The following VEGFC variants were observed in gnomAD, a reference collection of about 807,000 sequenced individuals.
VEGFC encodes the protein vascular endothelial growth factor C.
In VEGFC, 12 loss-of-function variants were observed where a neutral mutation model predicts 46.1. That is an observed-to-expected ratio of 0.26 (90% confidence interval 0.17 to 0.42). The LOEUF (loss-of-function observed/expected upper bound fraction) is 0.42. Among genes scored for constraint, VEGFC ranks in the 10% least tolerant of loss-of-function variants. The probability of loss-of-function intolerance (pLI) is 1.00; values close to 1 mark genes in which losing one functional copy is unlikely to be tolerated. For synonymous variants in VEGFC, 232 were observed against 195.5 expected (o/e 1.19, Z -1.56); for missense variants, 488 against 529.4 (o/e 0.92, Z 0.77).
chr4:176,695,182 A>G (rs1408106007), intron 4 of VEGFC, among the ~76,000 whole-genome samples: 1 of 152,082 alleles, frequency 6.6e-6, no homozygotes, highest in Non-Finnish European at 1.5e-5. Flanking sequence ...AAATTAATGA[A>G]TCCAGGAGCT....
chr4:176,784,982 A>T (rs926907130), intron 1 of VEGFC, among the ~76,000 whole-genome samples: 1 of 152,080 alleles, frequency 6.6e-6, no homozygotes, highest in East Asian at 1.9e-4. Flanking sequence ...ACTGCACTGC[A>T]TCTCTAAACA....
At chr4:176,771,595 A>G (rs1342049095) in intron 1 of VEGFC, among the ~76,000 whole-genome samples, 1 of 152,144 alleles carries the variant, frequency 6.6e-6, no homozygotes, top group Non-Finnish European at 1.5e-5. Context: ...TTTCTCTGTG[A>G]GTAACGTGTA....
intron 1 of VEGFC, among the ~76,000 whole-genome samples, chr4:176,766,221 T>G (rs1398643461): frequency 1.3e-5 from 2 of 152,154 alleles, no homozygotes. Flanking sequence ...ATTTTTAGAT[T>G]CAATGGAATC....
chr4:176,735,633 T>C (rs1466963652), intron 1 of VEGFC, among the ~76,000 whole-genome samples: 4 of 151,872 alleles, frequency 2.6e-5, no homozygotes, highest in East Asian at 3.9e-4. Context: ...ATGGAAATTG[T>C]GAAACACAAA....
rs757439796 is a variant in VEGFC at position 176,792,361 on chromosome 4, G to C, written c.-50C>G. ...CCGGTCCGCTGGCGGGGGCAGGGGT[G>C]GGGGCGCGGGCGCCCCTGCGAGGCC... On this transcript the variant is annotated 5_prime_UTR_variant, in exon 1 of 7. Transcript: ENST00000618562. The surrounding 1 kb of genome is among the most constrained non-coding windows in gnomAD (Gnocchi z 6.3). The C allele has an allele frequency of 1.3e-5, 18 of 1,367,778 alleles. No individual in the cohort carries two copies. The highest frequency in any genetic ancestry group is 1.6e-5 in the Non-Finnish European group (17 of 1,051,876). The allele number at this position is 1,367,778 out of a possible 1,614,324, so 84.7% of individuals were successfully genotyped here. A position where few individuals can be genotyped will look rare whatever the true frequency, so the allele number is the denominator to read the frequency against.
chr4:176,773,786 G>A (rs2877966), intron 1 of VEGFC, among the ~76,000 whole-genome samples: 122,349 of 151,792 alleles, frequency 0.81, 51,611 homozygotes, highest in East Asian at 1. Context: ...AGGTTTGAGC[G>A]ATCCTCCACC....
chr4:176,772,041 C>T (rs1361480719), intron 1 of VEGFC, among the ~76,000 whole-genome samples: 1 of 152,058 alleles, frequency 6.6e-6, no homozygotes, highest in Non-Finnish European at 1.5e-5. Flanking sequence ...GCAGAAAGCC[C>T]TATTACGGTT....
intron 4 of VEGFC, among the ~76,000 whole-genome samples, chr4:176,707,804 G>A (rs899957250): frequency 1.3e-5 from 2 of 152,154 alleles, no homozygotes; most frequent in Non-Finnish European, 2.9e-5. Flanking sequence ...TATGACTGGA[G>A]GATTTTCTCT....
At chr4:176,789,674 A>G (rs796503285) in intron 1 of VEGFC, among the ~76,000 whole-genome samples, 21 of 152,324 alleles carry the variant, frequency 1.4e-4, no homozygotes, top group African/African-American at 5.1e-4. Context: ...CTTCAGAGAA[A>G]CATTTTAAGA....
chr4:176,698,194 C>A (rs2110982233), intron 4 of VEGFC, among the ~76,000 whole-genome samples: 1 of 151,376 alleles, frequency 6.6e-6, no homozygotes, highest in East Asian at 1.9e-4. Flanking sequence ...TTCAACATCA[C>A]AGCAGGCTAT....
At chr4:176,693,193 C>A (rs1734243239) in intron 4 of VEGFC, among the ~76,000 whole-genome samples, 1 of 150,970 alleles carries the variant, frequency 6.6e-6, no homozygotes, top group African/African-American at 2.5e-5. Context: ...TACAGGAGGA[C>A]ATTCAAACCA....
chr4:176,730,400 T>C (rs1005575751), intron 1 of VEGFC, among the ~76,000 whole-genome samples: 3 of 152,116 alleles, frequency 2.0e-5, no homozygotes, highest in Non-Finnish European at 2.9e-5. Flanking sequence ...AGTATACTCA[T>C]TTAAGTAGAA....
rs115464473 is a variant in VEGFC, at chr4:176,792,134, G to C, written c.147+31C>G. ...GCCGCAGACCCTAACGCAAACTCTC[G>C]GGTTCTCCGCAAACCCTAACGCAGA... On this transcript the variant is annotated intron_variant, in intron 1 of 6. Transcript: ENST00000618562. The surrounding 1 kb of genome is among the most constrained non-coding windows in gnomAD (Gnocchi z 6.3). 4.9e-6 allele frequency: 7 copies of C among 1,433,428 alleles called. No homozygotes were observed. Among genetic ancestry groups the C allele is most frequent in the Non-Finnish European group, 6.4e-6 (7 of 1,091,134 alleles). The allele number at this position is 1,433,428 out of a possible 1,614,324, so 88.8% of individuals were successfully genotyped here. A position where few individuals can be genotyped will look rare whatever the true frequency, so the allele number is the denominator to read the frequency against.
rs554428052 is a variant in VEGFC at position 176,732,047 on chromosome 4, T to C, written c.148-2301A>G. Among the ~76,000 whole-genome samples the C allele has an allele frequency of 3.3e-4, 50 of 151,846 alleles. 1 individual carries two copies. Among genetic ancestry groups the C allele is most frequent in the African/African-American group, 1.2e-3 (48 of 41,480 alleles). ...TAGGCTGAAAAAGGCCTTTTTAAAG[T>C]GAATATAAAATAAAATGAAAATTTT... On this transcript the variant is annotated intron_variant, in intron 1 of 6. Coordinates refer to ENST00000618562, the MANE Select transcript of VEGFC (RefSeq NM_005429.5).
At chr4:176,770,918 C>T (rs1467070655) in intron 1 of VEGFC, among the ~76,000 whole-genome samples, 2 of 151,504 alleles carry the variant, frequency 1.3e-5, no homozygotes, top group African/African-American at 4.8e-5. Flanking sequence ...CATTCTTCTA[C>T]CCCTCTGCCA....
intron 1 of VEGFC, among the ~76,000 whole-genome samples, chr4:176,745,166 G>A (rs192536601): frequency 7.8e-4 from 119 of 152,158 alleles, no homozygotes; most frequent in African/African-American, 2.6e-3. Flanking sequence ...AATCCCTTGG[G>A]AGGCTTTATC....
At chr4:176,686,571 G>A (rs1370138154) in intron 6 of VEGFC, among the ~76,000 whole-genome samples, 1 of 152,170 alleles carries the variant, frequency 6.6e-6, no homozygotes, top group Non-Finnish European at 1.5e-5. Context: ...TAAATAGTAG[G>A]ATCAATTTAT....
intron 4 of VEGFC, among the ~76,000 whole-genome samples, chr4:176,690,298 T>C (rs1734130480): frequency 6.6e-6 from 1 of 151,854 alleles, no homozygotes; most frequent in Admixed American, 6.6e-5. Context: ...AAATGTACAG[T>C]CAGAGAAGTT....
At chr4:176,768,346 C>A (rs920124940) in intron 1 of VEGFC, among the ~76,000 whole-genome samples, 6 of 151,414 alleles carry the variant, frequency 4.0e-5, no homozygotes, top group African/African-American at 1.5e-4. Context: ...CTGAACACTT[C>A]GACATTAAAA....
Sources: gnomAD v4.1 joint callset for allele counts (sites outside exome capture counted in the v4.1 genomes callset) on GRCh38, gnomAD v4.1.1 for gene constraint, Gnocchi (gnomAD v3.1) non-coding constraint, MANE v1.5 for transcripts, NCBI Gene and HGNC (gene_info 2026-07-23, HGNC 2026-07-21) for gene names.